The following ZNF804A variants were observed in gnomAD, a reference collection of about 807,000 sequenced individuals.
ZNF804A encodes the protein zinc finger protein 804A.
In ZNF804A, 2 loss-of-function variants were observed where a neutral mutation model predicts 16.5. That is an observed-to-expected ratio of 0.12 (90% CI 0.05 to 0.38). ZNF804A has a LOEUF of 0.38. Ranked by LOEUF, ZNF804A falls within the 10% of genes least tolerant of loss-of-function variation. ZNF804A has a pLI of 0.99. For synonymous variants in ZNF804A, 534 were observed against 489.6 expected (o/e 1.09, Z -1.20); for missense variants, 1,473 against 1,390.7 (o/e 1.06, Z -0.94).
chr2:184,694,808 A>T (rs748796321), intron 1 of ZNF804A, among the ~76,000 whole-genome samples: 3 of 152,192 alleles, frequency 2.0e-5, no homozygotes, highest in Non-Finnish European at 4.4e-5. Context: ...TGACAATCTT[A>T]CTCAAGAGAG....
chr2:184,736,093 TCA>T (rs1205024334), intron 1 of ZNF804A, among the ~76,000 whole-genome samples: 1 of 152,182 alleles, frequency 6.6e-6, no homozygotes, highest in Non-Finnish European at 1.5e-5. Context: ...ATTTTGATGT[TCA>T]GTCTCCCCTC....
At chr2:184,880,617 A>T (rs1316702832) in intron 2 of ZNF804A, among the ~76,000 whole-genome samples, 2 of 151,962 alleles carry the variant, frequency 1.3e-5, no homozygotes, top group Non-Finnish European at 2.9e-5. Context: ...TTGAGATCTC[A>T]TGTTTCTTAG....
At chr2:184,649,195 A>T in intron 1 of ZNF804A, among the ~76,000 whole-genome samples, 1 of 152,162 alleles carries the variant, frequency 6.6e-6, no homozygotes, top group East Asian at 1.9e-4. Context: ...AATAAACAAT[A>T]AATTAAGGCA....
chr2:184,852,723 G>A (rs1192959452), intron 1 of ZNF804A, among the ~76,000 whole-genome samples: 1 of 151,690 alleles, frequency 6.6e-6, no homozygotes, highest in East Asian at 1.9e-4. Context: ...CCCATTGTGT[G>A]TACTTGGCAG....
At position 184,787,457 on chromosome 2, in the gene ZNF804A, C is replaced by CT. The variant is rs556017964; in HGVS notation, c.112-78909dup. ...ATTGTTTTCCATAGAGGTTGAACTA[C>CT]TTTGCATTGCTACCAACAGTGTCTG... On this transcript the variant is annotated intron_variant, in intron 1 of 3. Coordinates refer to ENST00000302277, the MANE Select transcript of ZNF804A (RefSeq NM_194250.2). 2.6e-5 allele frequency among the ~76,000 whole-genome samples: 4 copies of CT among 151,970 alleles called. No homozygotes were observed. In the South Asian group the frequency reaches 8.3e-4, roughly 32 times the overall value.
chr2:184,799,910 G>A (rs1289271021), intron 1 of ZNF804A, among the ~76,000 whole-genome samples: 3 of 151,998 alleles, frequency 2.0e-5, no homozygotes, highest in Non-Finnish European at 4.4e-5. Flanking sequence ...CCTTAAGTGT[G>A]GGGAGAATTT....
At chr2:184,730,677 T>G (rs1420931154) in intron 1 of ZNF804A, among the ~76,000 whole-genome samples, 5 of 152,178 alleles carry the variant, frequency 3.3e-5, no homozygotes, top group Admixed American at 1.3e-4. Flanking sequence ...TATTTATGTT[T>G]CCTCCATATC....
At chr2:184,706,922 A>T (rs1381923635) in intron 1 of ZNF804A, among the ~76,000 whole-genome samples, 2 of 152,234 alleles carry the variant, frequency 1.3e-5, no homozygotes, top group African/African-American at 4.8e-5. Flanking sequence ...TAAGCCAGAC[A>T]GAGTTTATAT....
At chr2:184,731,249 CGCAAAAAAAAAAAAAAA>C (rs1693511372) in intron 1 of ZNF804A, among the ~76,000 whole-genome samples, 1 of 29,438 alleles carries the variant, frequency 3.4e-5, no homozygotes, top group South Asian at 1.3e-3. Flanking sequence ...TAGGCTCCGT[CGCAAAAAAAAAAAAAAA>C]AAAAAAAAAA....
intron 1 of ZNF804A, among the ~76,000 whole-genome samples, chr2:184,840,285 G>A (rs1695416436): frequency 6.6e-6 from 1 of 152,070 alleles, no homozygotes; most frequent in Non-Finnish European, 1.5e-5. Context: ...AGCTACTCAG[G>A]AGGCAGAAGA....
chr2:184,925,950 T>C (rs1425111355), intron 2 of ZNF804A, among the ~76,000 whole-genome samples: 1 of 152,096 alleles, frequency 6.6e-6, no homozygotes, highest in East Asian at 1.9e-4. Flanking sequence ...AGTCTCGCTC[T>C]ATCTTATGTA....
At chr2:184,835,880 C>G (rs17509517) in intron 1 of ZNF804A, among the ~76,000 whole-genome samples, 7,668 of 152,032 alleles carry the variant, frequency 0.05, 255 homozygotes, top group Middle Eastern at 0.079. Context: ...GGAAAGAGAC[C>G]TTGACTTCAG....
chr2:184,659,763 C>T (rs1003551194), intron 1 of ZNF804A, among the ~76,000 whole-genome samples: 3 of 152,208 alleles, frequency 2.0e-5, no homozygotes, highest in African/African-American at 7.2e-5. Flanking sequence ...GTATTAACTC[C>T]TTTCGGAGTT....
At chr2:184,811,210 G>A (rs1178271632) in intron 1 of ZNF804A, among the ~76,000 whole-genome samples, 1 of 152,120 alleles carries the variant, frequency 6.6e-6, no homozygotes, top group Non-Finnish European at 1.5e-5. Context: ...CAGGTATATA[G>A]CATCAAAATC....
At position 184,843,518 on chromosome 2, in the gene ZNF804A, C is replaced by G. The variant is rs549261982; in HGVS notation, c.112-22851C>G. 2.6e-5 allele frequency among the ~76,000 whole-genome samples: 4 copies of G among 152,198 alleles called. No homozygotes were observed. The East Asian group carries it at 7.8e-4, about 30-fold the overall frequency. On this transcript the variant is annotated intron_variant, in intron 1 of 3. Transcript: ENST00000302277. ...CAAACTCCTGACCTCAGGTGATCCACCCACCTCAGCCTCCCAAAGTGCTGG... is the reference window on the plus strand; with the variant it reads ...CAAACTCCTGACCTCAGGTGATCCAGCCACCTCAGCCTCCCAAAGTGCTGG...
At chr2:184,814,595 G>C (rs868637043) in intron 1 of ZNF804A, among the ~76,000 whole-genome samples, 25 of 152,056 alleles carry the variant, frequency 1.6e-4, no homozygotes, top group African/African-American at 5.3e-4. Context: ...AAAGGTCATT[G>C]AGAAGAATTT....
At chr2:184,621,427 C>T (rs375813116) in intron 1 of ZNF804A, among the ~76,000 whole-genome samples, 2 of 151,504 alleles carry the variant, frequency 1.3e-5, no homozygotes, top group South Asian at 2.1e-4. Context: ...ATGGACAATC[C>T]GACATAAATG....
At chr2:184,671,682 A>T (rs566252905) in intron 1 of ZNF804A, among the ~76,000 whole-genome samples, 3 of 152,270 alleles carry the variant, frequency 2.0e-5, no homozygotes, top group Admixed American at 2.0e-4. Context: ...AATTATTTTG[A>T]TATCCATATG....
intron 2 of ZNF804A, among the ~76,000 whole-genome samples, chr2:184,919,328 G>A (rs1685496628): frequency 6.6e-6 from 1 of 152,186 alleles, no homozygotes; most frequent in African/African-American, 2.4e-5. Flanking sequence ...GGGGTCAGTG[G>A]TGGTCTCTGT....
Sources: gnomAD v4.1 joint callset for allele counts (sites outside exome capture counted in the v4.1 genomes callset) on GRCh38, gnomAD v4.1.1 for gene constraint, MANE v1.5 for transcripts, NCBI Gene and HGNC (gene_info 2026-07-23, HGNC 2026-07-21) for gene names.